Variants in WDR70 observed in about 807,000 individuals in gnomAD.
The protein encoded by WDR70 is WD repeat domain 70, also known as WD repeat-containing protein 70.
WDR70 carries 53 observed loss-of-function variants against 88.6 expected under a neutral mutation model. The observed-to-expected ratio is 0.60, with a 90% CI of 0.48 to 0.75. The LOEUF is 0.75. Among genes scored for constraint, WDR70 ranks in the 30% least tolerant of loss-of-function variants. The pLI is 0.00. For missense variants in WDR70, 610 were observed against 823.2 expected, an observed-to-expected ratio of 0.74 and a Z score of 3.17; for synonymous variants, 280 against 270.0, an observed-to-expected ratio of 1.04 and a Z score of -0.36.
intron 9 of WDR70, among the ~76,000 whole-genome samples, chr5:37,547,588 A>G (rs1004561209): frequency 3.9e-5 from 6 of 152,222 alleles, no homozygotes; most frequent in Non-Finnish European, 7.3e-5. Context: ...TAATCACATC[A>G]TGGAACATGG....
chr5:37,672,756 A>G (rs1013869672), intron 10 of WDR70, among the ~76,000 whole-genome samples: 1 of 152,076 alleles, frequency 6.6e-6, no homozygotes, highest in African/African-American at 2.4e-5. Context: ...CAGGTCCTCC[A>G]TATGCTGAGC....
In WDR70 at chr5:37,554,458, T is replaced by C. The variant is rs923207942; in HGVS notation, c.917+37868T>C. Among the ~76,000 whole-genome samples the C allele has an allele frequency of 9.2e-5, 14 of 152,180 alleles. No homozygotes were observed. The South Asian group carries it at 1.5e-3, about 16-fold the overall frequency. ...TTCACAATGGAAATAATGTTTTAGATTGAGGTTGAAAGATGAATGGAAGTC... is the reference window on the plus strand; with the variant it reads ...TTCACAATGGAAATAATGTTTTAGACTGAGGTTGAAAGATGAATGGAAGTC... On this transcript the variant is annotated intron_variant, in intron 9 of 17. Coordinates refer to ENST00000265107, the MANE Select transcript of WDR70 (RefSeq NM_018034.4).
chr5:37,683,924 C>A (rs1197718142), intron 10 of WDR70, among the ~76,000 whole-genome samples: 1 of 152,096 alleles, frequency 6.6e-6, no homozygotes, highest in Non-Finnish European at 1.5e-5. Context: ...GGATGATATC[C>A]TGAAATATGT....
At chr5:37,464,771 G>A (rs1739106388) in intron 7 of WDR70, among the ~76,000 whole-genome samples, 1 of 152,224 alleles carries the variant, frequency 6.6e-6, no homozygotes, top group Non-Finnish European at 1.5e-5. Context: ...TGCACTTCAG[G>A]AGCCTGACAG....
At chr5:37,592,001 A>C (rs1439358049) in intron 9 of WDR70, among the ~76,000 whole-genome samples, 2 of 152,244 alleles carry the variant, frequency 1.3e-5, no homozygotes, top group African/African-American at 4.8e-5. Flanking sequence ...TTCTCAGCCA[A>C]GTAGGAATAG....
chr5:37,589,290 T>C (rs1743460057), intron 9 of WDR70, among the ~76,000 whole-genome samples: 1 of 108,064 alleles, frequency 9.3e-6, no homozygotes, highest in Non-Finnish European at 2.3e-5. Context: ...ACACACACGA[T>C]ATATTTAATA....
At chr5:37,524,277 A>C (rs185164421) in intron 9 of WDR70, among the ~76,000 whole-genome samples, 2 of 152,354 alleles carry the variant, frequency 1.3e-5, no homozygotes, top group East Asian at 3.9e-4. Context: ...ATAACAGCTG[A>C]TTTCTCGGCA....
chr5:37,686,272 G>A (rs1746594650), intron 10 of WDR70, among the ~76,000 whole-genome samples: 1 of 151,294 alleles, frequency 6.6e-6, no homozygotes, highest in Non-Finnish European at 1.5e-5. Flanking sequence ...CCATGATTAT[G>A]TCACTGCACT....
chr5:37,483,304 C>G (rs546121033), intron 8 of WDR70, among the ~76,000 whole-genome samples: 1 of 151,718 alleles, frequency 6.6e-6, no homozygotes, highest in Admixed American at 6.6e-5. Context: ...GGTGATGACT[C>G]TTAACGAGCA....
At chr5:37,381,728 A>G (rs369370972) in intron 3 of WDR70, 43 bp downstream of exon 3, 2 of 1,567,052 alleles carry the variant, frequency 1.3e-6, no homozygotes, top group Non-Finnish European at 8.8e-7. Context: ...TTTAAGTACT[A>G]TGTATACCTC....
At chr5:37,579,236 A>G (rs1743148245) in intron 9 of WDR70, among the ~76,000 whole-genome samples, 1 of 152,216 alleles carries the variant, frequency 6.6e-6, no homozygotes. Flanking sequence ...AGAAGGAAGA[A>G]AGGAAATTTT....
chr5:37,740,313 G>A lies in WDR70; in HGVS notation c.1878-12173G>A, dbSNP rs148298821. On this transcript the variant is annotated intron_variant, in intron 17 of 17. Coordinates refer to ENST00000265107, the MANE Select transcript of WDR70 (RefSeq NM_018034.4). The stretch of plus-strand genomic sequence containing the variant: ...ATTTCTCATATGTGGATTTCTAAAC[G>A]TTTTCAAAAGAATAACTGCTGGAAA... Among the ~76,000 whole-genome samples, 542 of 152,184 alleles carry A rather than the reference G, an allele frequency of 3.6e-3. 5 individuals are homozygous for A. Among genetic ancestry groups the A allele is most frequent in the African/African-American group, 0.012 (517 of 41,524 alleles).
intron 10 of WDR70, among the ~76,000 whole-genome samples, chr5:37,636,137 G>T (rs1026094321): frequency 2.0e-5 from 3 of 152,164 alleles, no homozygotes; most frequent in Non-Finnish European, 1.5e-5. Context: ...TATTAGTCAA[G>T]TTGGGATAAT....
At chr5:37,616,372 C>T (rs1445401953) in intron 10 of WDR70, among the ~76,000 whole-genome samples, 6 of 152,072 alleles carry the variant, frequency 3.9e-5, no homozygotes, top group African/African-American at 7.2e-5. Context: ...CTTCCCAAAG[C>T]GCTGGGATTA....
chr5:37,724,039 T>C (rs1747899344), intron 15 of WDR70: 1 of 152,128 alleles, frequency 6.6e-6, no homozygotes, highest in Non-Finnish European at 1.5e-5. Flanking sequence ...ATTGATATTA[T>C]AAATTCCCTT....
chr5:37,665,206 C>G (rs1463643558), intron 10 of WDR70, among the ~76,000 whole-genome samples: 1 of 152,180 alleles, frequency 6.6e-6, no homozygotes, highest in African/African-American at 2.4e-5. Flanking sequence ...TTACTTTTCT[C>G]TTTATACCTC....
At chr5:37,519,471 C>T (rs1294056688) in intron 9 of WDR70, among the ~76,000 whole-genome samples, 22 of 140,542 alleles carry the variant, frequency 1.6e-4, no homozygotes, top group East Asian at 4.3e-4. Flanking sequence ...GGCTGCCGGG[C>T]GGAGGCGCTC....
Position 37,443,236 on chromosome 5 carries a change from C to T in WDR70, c.553-3C>T, listed in dbSNP as rs747919985. 2.5e-6 allele frequency: 4 copies of T among 1,604,518 alleles called. No individual in the cohort carries two copies. The East Asian group carries it at 6.7e-5, about 27-fold the overall frequency. ...TCATTTTATTTTATTTTTTTAAAAC[C>T]AGGTGTCTGCTTTGGGTCTGGATCC... On this transcript the variant is annotated splice_polypyrimidine_tract_variant and splice_region_variant and intron_variant, in intron 6 of 17. Transcript: ENST00000265107.
intron 10 of WDR70, among the ~76,000 whole-genome samples, chr5:37,685,405 T>C (rs1226202029): frequency 6.6e-6 from 1 of 151,980 alleles, no homozygotes; most frequent in Non-Finnish European, 1.5e-5. Context: ...ACTGGAGCTC[T>C]CCACTGGTCA....
Sources: allele counts gnomAD v4.1 joint callset (sites outside exome capture counted in the v4.1 genomes callset), GRCh38; gene constraint gnomAD v4.1.1; transcripts MANE v1.5; gene names NCBI Gene and HGNC (gene_info 2026-07-23, HGNC 2026-07-21).